The following SLC30A6 variants were observed in gnomAD, a reference collection of about 807,000 sequenced individuals.
SLC30A6 encodes the protein zinc transporter 6.
SLC30A6 carries 55 observed loss-of-function variants against 63.0 expected under a neutral mutation model. The ratio of observed to expected loss-of-function variants is 0.87; its 90% CI spans 0.70 to 1.09. The LOEUF is 1.09. Ranked by LOEUF, SLC30A6 falls within the 50% of genes least tolerant of loss-of-function variation. The pLI is 0.00. For synonymous variants in SLC30A6, 224 were observed against 186.1 expected, an observed-to-expected ratio of 1.20 and a Z score of -1.66; for missense variants, 587 against 549.2, an observed-to-expected ratio of 1.07 and a Z score of -0.69.
intron 13 of SLC30A6, among the ~76,000 whole-genome samples, chr2:32,212,699 C>G (rs547415146): frequency 6.9e-6 from 1 of 145,970 alleles, no homozygotes; most frequent in Admixed American, 7.1e-5. Context: ...CAGGTTCAAG[C>G]GATCCTTTCA....
chr2:32,180,049 G>C (rs1488499073), intron 4 of SLC30A6, among the ~76,000 whole-genome samples: 1 of 152,080 alleles, frequency 6.6e-6, no homozygotes, highest in Non-Finnish European at 1.5e-5. Flanking sequence ...TTGAGCCCAG[G>C]AGTTTGAGGC....
At chr2:32,182,621 G>A (rs1682431449) in intron 4 of SLC30A6, among the ~76,000 whole-genome samples, 1 of 152,178 alleles carries the variant, frequency 6.6e-6, no homozygotes, top group South Asian at 2.1e-4. Context: ...TCTGTTCCCT[G>A]TACATGGACA....
chr2:32,204,014 A>G, intron 10 of SLC30A6: 1 of 679,690 alleles, frequency 1.5e-6, no homozygotes, highest in Non-Finnish European at 2.6e-6. Flanking sequence ...TTGATAGTTA[A>G]TCTACCAGTA....
At chr2:32,189,896 C>T (rs942608923) in intron 5 of SLC30A6, among the ~76,000 whole-genome samples, 9 of 151,990 alleles carry the variant, frequency 5.9e-5, no homozygotes, top group Admixed American at 5.9e-4. Flanking sequence ...CCACCGTGCC[C>T]AGCTGTTATT....
Position 32,177,597 on chromosome 2 carries a change from G to A in SLC30A6, c.218+2236G>A, listed in dbSNP as rs763347336. On this transcript the variant is annotated intron_variant, in intron 4 of 13. Coordinates refer to ENST00000282587, the MANE Select transcript of SLC30A6 (RefSeq NM_017964.5). ...GTGAGCTACCGTGCCTGAGCAATAG[G>A]TATGTTTTCTTCTAAGAGTTTTATA... 4 of 167,436 alleles carry A rather than the reference G, an allele frequency of 2.4e-5. No individual in the cohort carries two copies. In the South Asian group the frequency reaches 3.2e-4, roughly 13 times the overall value. 10.4% of individuals were successfully genotyped at this position (167,436 alleles called of 1,614,324 possible).
chr2:32,171,086 A>G (rs1057209407), intron 1 of SLC30A6, among the ~76,000 whole-genome samples: 2 of 152,234 alleles, frequency 1.3e-5, no homozygotes, highest in Admixed American at 6.5e-5. Context: ...ATGACTTACT[A>G]AAAGTTGTCT....
chr2:32,217,370 A>G (rs1685800022), intron 13 of SLC30A6, among the ~76,000 whole-genome samples: 2 of 152,096 alleles, frequency 1.3e-5, no homozygotes, highest in African/African-American at 2.4e-5. Flanking sequence ...CAAAGATCAG[A>G]TGGCTGTAGG....
In SLC30A6 at chr2:32,203,214, A is replaced by G. The variant is rs751865075; in HGVS notation, c.666-1376A>G. On this transcript the variant is annotated intron_variant, in intron 10 of 13. Coordinates refer to ENST00000282587, the MANE Select transcript of SLC30A6 (RefSeq NM_017964.5). ...TTCTCCTCCTCAGGATGTTGAGTCT[A>G]TATCCATCGTTCTGGACGCACAGGT... is the stretch of plus-strand genomic sequence containing the variant. 4.7e-5 allele frequency: 52 copies of G among 1,096,884 alleles called. No homozygotes were observed. In the East Asian group the frequency reaches 9.6e-4, roughly 20 times the overall value. The allele number at this position is 1,096,884 out of a possible 1,614,324, so 67.9% of individuals were successfully genotyped here.
chr2:32,219,656 G>A (rs1191429956), intron 13 of SLC30A6, among the ~76,000 whole-genome samples: 2 of 151,634 alleles, frequency 1.3e-5, no homozygotes, highest in East Asian at 3.9e-4. Context: ...GGCTGGTCTC[G>A]AACTCCTGAC....
chr2:32,203,479 T>A, intron 10 of SLC30A6: 4 of 1,600,696 alleles, frequency 2.5e-6, no homozygotes, highest in Non-Finnish European at 3.4e-6. Context: ...GGGCAGTGGA[T>A]GCATTGGCTG....
chr2:32,172,190 C>T (rs887222170), intron 2 of SLC30A6, among the ~76,000 whole-genome samples: 1 of 152,054 alleles, frequency 6.6e-6, no homozygotes, highest in Non-Finnish European at 1.5e-5. Flanking sequence ...TATAGAAGTA[C>T]AATATAAACA....
At chr2:32,177,601 GT>G (rs1681882662) in intron 4 of SLC30A6, 1 of 167,098 alleles carries the variant, frequency 6.0e-6, no homozygotes. Context: ...CAATAGGTAT[GT>G]TTTCTTCTAA....
intron 4 of SLC30A6, among the ~76,000 whole-genome samples, chr2:32,175,568 G>T (rs546896105): frequency 6.6e-6 from 1 of 152,292 alleles, no homozygotes; most frequent in East Asian, 1.9e-4. Flanking sequence ...CAAATCTATG[G>T]AGAGAAAAAG....
chr2:32,181,951 T>TTTC lies in SLC30A6; in HGVS notation c.219-2321_219-2320insTCT, dbSNP rs749568502. 7.4e-3 allele frequency among the ~76,000 whole-genome samples: 1,116 copies of TTTC among 149,932 alleles called. 7 individuals are homozygous for TTTC. Among genetic ancestry groups the TTTC allele is most frequent in the Non-Finnish European group, 0.012 (783 of 67,430 alleles). The stretch of plus-strand genomic sequence containing the variant: ...TTCTTTTCTTTTTTTTTTTTTTTTT[T>TTTC]TGAGACAGGGTATTACTCTGTCACC... On this transcript the variant is annotated intron_variant, in intron 4 of 13. Transcript: ENST00000282587.
At chr2:32,203,470 G>T (rs2148880167) in intron 10 of SLC30A6, 1 of 1,588,654 alleles carries the variant, frequency 6.3e-7, no homozygotes, top group Non-Finnish European at 8.6e-7. Context: ...AAGAGAAAGG[G>T]GCAGTGGATG....
chr2:32,175,644 A>G (rs1008472612), intron 4 of SLC30A6, among the ~76,000 whole-genome samples: 3 of 152,226 alleles, frequency 2.0e-5, no homozygotes, highest in Non-Finnish European at 4.4e-5. Context: ...AATTATCAAC[A>G]TAGAACAAAC....
intron 13 of SLC30A6, among the ~76,000 whole-genome samples, chr2:32,211,520 A>AT (rs892951869): frequency 4.6e-5 from 7 of 150,690 alleles, no homozygotes; most frequent in East Asian, 1.9e-4. Flanking sequence ...TGCCCAAAAG[A>AT]TTTTTTTTTA....
In SLC30A6 at chr2:32,197,687, TTC is replaced by T. The variant is rs775029280; in HGVS notation, c.546-18_546-17del. 11 of 1,613,428 alleles carry T rather than the reference TTC, an allele frequency of 6.8e-6. No individual in the cohort carries two copies. The highest frequency in any genetic ancestry group is 1.7e-5 in the Admixed American group (1 of 59,932). On this transcript the variant is annotated intron_variant, in intron 9 of 13. Transcript: ENST00000282587. The stretch of plus-strand genomic sequence containing the variant: ...TGTGAGTTCTGCTAATGGATACTCT[TTC>T]TGTTTGTTTTTTCTTAGCTTGTGTG...
chr2:32,183,184 C>T (rs1682493183), intron 4 of SLC30A6, among the ~76,000 whole-genome samples: 1 of 151,488 alleles, frequency 6.6e-6, no homozygotes, highest in African/African-American at 2.4e-5. Flanking sequence ...GAGACTCCAT[C>T]TAAAAAAAGA....
Sources: gnomAD v4.1 joint callset for allele counts (sites outside exome capture counted in the v4.1 genomes callset) on GRCh38, gnomAD v4.1.1 for gene constraint, MANE v1.5 for transcripts, NCBI Gene and HGNC (gene_info 2026-07-23, HGNC 2026-07-21) for gene names.